The following TELO2 variants were observed in gnomAD, a reference collection of about 807,000 sequenced individuals.
The protein encoded by TELO2 is telomere length regulation protein TEL2 homolog.
A neutral mutation model predicts 91.0 loss-of-function variants in TELO2; 71 were observed. The observed-to-expected ratio is 0.78, with a 90% CI of 0.64 to 0.95. The LOEUF is 0.95. TELO2 is among the 40% of genes least tolerant of loss of function. TELO2 has a pLI of 0.00. For synonymous variants in TELO2, 584 were observed against 518.9 expected, an observed-to-expected ratio of 1.13 and a Z score of -1.71; for missense variants, 1,183 against 1,141.3, an observed-to-expected ratio of 1.04 and a Z score of -0.53.
At chr16:1,506,695 G>C in intron 17 of TELO2, 1 of 1,382,094 alleles carries the variant, frequency 7.2e-7, no homozygotes, top group Non-Finnish European at 9.4e-7. Context: ...AGAGAAGTGT[G>C]GGGCCTGGGT....
intron 10 of TELO2, 50 bp downstream of exon 10, chr16:1,501,549 C>T (rs770296392): frequency 9.5e-6 from 15 of 1,572,702 alleles, no homozygotes; most frequent in Admixed American, 3.6e-5. Context: ...TCTTACTGCT[C>T]TGGATTCCGC....
intron 5 of TELO2, among the ~76,000 whole-genome samples, chr16:1,498,059 C>G (rs1251423398): frequency 6.6e-6 from 1 of 151,640 alleles, no homozygotes; most frequent in Non-Finnish European, 1.5e-5. Context: ...CTCTGTCACC[C>G]AGGCTGGACT....
intron 9 of TELO2, 133 bp from the exon 10 acceptor site, chr16:1,501,287 C>A: frequency 1.1e-6 from 1 of 913,810 alleles, no homozygotes; most frequent in Non-Finnish European, 1.7e-6. Flanking sequence ...AGACACCTGG[C>A]TATCCAGGGC....
Position 1,493,739 on chromosome 16 carries a change from A to G in TELO2, c.-37+134A>G, listed in dbSNP as rs2039381136. On this transcript the variant is annotated intron_variant, in intron 1 of 20. Coordinates refer to ENST00000262319, the MANE Select transcript of TELO2 (RefSeq NM_016111.4). This position sits in a 1 kb window ranked among gnomAD's most constrained non-coding sequence, Gnocchi z 4.3. ...GGTACAGGTCGGGGTCCGGGCCTGGATCGGGGGCGGGTCCGCGTGCGGCTC... is the reference window on the plus strand; with the variant it reads ...GGTACAGGTCGGGGTCCGGGCCTGGGTCGGGGGCGGGTCCGCGTGCGGCTC... 3 of 158,840 alleles carry G rather than the reference A, an allele frequency of 1.9e-5. No homozygotes were observed. Among genetic ancestry groups the G allele is most frequent in the Non-Finnish European group, 2.8e-5 (2 of 71,618 alleles). The allele number at this position is 158,840 out of a possible 1,614,324, so 9.8% of individuals were successfully genotyped here.
rs555882404 is a variant in TELO2 at position 1,507,913 on chromosome 16, T to G, written c.2407+197T>G. Reference sequence around the variant, plus strand: ...GTGTGTGATGTGTGTCGGCCCGGGGTGTGTGTGTGTGTGTGGGTGTGTGTG... The same window carrying G: ...GTGTGTGATGTGTGTCGGCCCGGGGGGTGTGTGTGTGTGTGGGTGTGTGTG... On this transcript the variant is annotated intron_variant, in intron 20 of 20. Coordinates refer to ENST00000262319, the MANE Select transcript of TELO2 (RefSeq NM_016111.4). Among the ~76,000 whole-genome samples, 196 of 141,146 alleles carry G rather than the reference T, an allele frequency of 1.4e-3. 1 individual carries two copies. Among genetic ancestry groups the G allele is most frequent in the East Asian group, 3.2e-3 (15 of 4,756 alleles). The allele number at this position is 141,146 out of a possible 152,430, so 92.6% of individuals were successfully genotyped here.
In TELO2 at chr16:1,494,315, G is replaced by T; in HGVS notation, c.34G>T (p.Val12Phe). 1 of 1,613,394 alleles carries T rather than the reference G, an allele frequency of 6.2e-7. No homozygotes were observed. The highest frequency in any genetic ancestry group is 8.5e-7 in the Non-Finnish European group (1 of 1,179,922). Reference protein sequence around the residue: ...EPAPSEVRLAVREAIHALSSS... With the variant: ...EPAPSEVRLAFREAIHALSSS... Reference sequence around the variant, plus strand: ...AGCACCCTCAGAGGTTCGACTCGCCGTCCGGGAAGCCATTCATGCCCTCTC... The same window carrying T: ...AGCACCCTCAGAGGTTCGACTCGCCTTCCGGGAAGCCATTCATGCCCTCTC... Residue 12 changes from valine (V) to phenylalanine (F), a missense_variant, in exon 2 of 21, where the codon GTC becomes TTC. By Grantham distance (50) the Val-to-Phe change is conservative. Transcript: ENST00000262319. The surrounding 1 kb of genome is among the most constrained non-coding windows in gnomAD (Gnocchi z 5.6).
intron 3 of TELO2, among the ~76,000 whole-genome samples, chr16:1,496,512 C>A (rs910886471): frequency 6.6e-6 from 1 of 152,232 alleles, no homozygotes; most frequent in Non-Finnish European, 1.5e-5. Context: ...TTCACGTGTT[C>A]GGGGTTGGCT....
chr16:1,510,399 G>A lies in TELO2; in HGVS notation c.*463G>A, dbSNP rs1026955045. The A allele has an allele frequency of 4.1e-5, 9 of 217,272 alleles. No individual in the cohort carries two copies. The highest frequency in any genetic ancestry group is 2.8e-4 in the East Asian group (2 of 7,270). The allele number at this position is 217,272 out of a possible 1,614,324, so 13.5% of individuals were successfully genotyped here. ...GGGTGTGTGGCTCCTGGATGGGCTC[G>A]TGGGGCGGGATGGGACAGGGCACGG... On this transcript the variant is annotated 3_prime_UTR_variant, in exon 21 of 21. Transcript: ENST00000262319.
rs144206818 is a variant in TELO2 at position 1,507,319 on chromosome 16, T to C, written c.2240T>C (p.Met747Thr). The C allele has an allele frequency of 2.0e-5, 33 of 1,609,856 alleles. No individual in the cohort carries two copies. Among genetic ancestry groups the C allele is most frequent in the African/African-American group, 1.9e-4 (14 of 74,892 alleles). Reference sequence around the variant, plus strand: ...GCTGGTGTCCAGGTGGCTGTGGCCATGGGCAAGGCCCTGCTGGAATTCGTG... The same window carrying C: ...GCTGGTGTCCAGGTGGCTGTGGCCACGGGCAAGGCCCTGCTGGAATTCGTG... ...LAVNTTVAVA[M>T]GKALLEFVWA... Residue 747 changes from methionine to threonine, a missense_variant, in exon 19 of 21, where the codon ATG becomes ACG. Physicochemically the swap from Met to Thr is moderately conservative, Grantham distance 81. Coordinates refer to ENST00000262319, the MANE Select transcript of TELO2 (RefSeq NM_016111.4).
At position 1,500,618 on chromosome 16, in the gene TELO2, C is replaced by G; in HGVS notation, c.1200C>G (p.Pro400=). Residue 400 remains proline, a synonymous_variant, in exon 9 of 21, where the codon CCC becomes CCG. Coordinates refer to ENST00000262319, the MANE Select transcript of TELO2 (RefSeq NM_016111.4). ...GVKCRLDSSL[P]PVRRLGMIVA... ...AGTGCCGCCTGGACAGTAGCCTGCC[C>G]CCCGTGCGACGCCTGGGCATGATCG... The G allele has an allele frequency of 6.2e-7, 1 of 1,612,342 alleles. No individual in the cohort carries two copies. Among genetic ancestry groups the G allele is most frequent in the East Asian group, 2.2e-5 (1 of 44,854 alleles).
rs2039409454 is a variant in TELO2 at position 1,494,513 on chromosome 16, C to T, written c.232C>T (p.Leu78=). Residue 78 remains leucine (L), a synonymous_variant, in exon 2 of 21, where the codon CTG becomes TTG. Transcript: ENST00000262319. This position sits in a 1 kb window ranked among gnomAD's most constrained non-coding sequence, Gnocchi z 5.6. ...SRLSPAWLEL[L]PHGRLEELWA... ...GCTGAGCCCAGCCTGGCTGGAGCTGCTGCCCCATGGCCGCCTGGAGGAGCT... is the reference window on the plus strand; with the variant it reads ...GCTGAGCCCAGCCTGGCTGGAGCTGTTGCCCCATGGCCGCCTGGAGGAGCT... 2.5e-6 allele frequency: 4 copies of T among 1,613,174 alleles called. No individual in the cohort carries two copies. Among genetic ancestry groups the T allele is most frequent in the African/African-American group, 1.3e-5 (1 of 74,916 alleles).
At chr16:1,495,309 G>A (rs1343336700) in intron 2 of TELO2, 37 bp from the exon 3 acceptor site, 1 of 1,505,878 alleles carries the variant, frequency 6.6e-7, no homozygotes, top group Non-Finnish European at 8.9e-7. Context: ...CCGAGGATGG[G>A]GGTTGGCGGC....
chr16:1,506,644 G>A (rs1235982194), intron 17 of TELO2: 6 of 1,376,712 alleles, frequency 4.4e-6, no homozygotes, highest in Non-Finnish European at 1.9e-6. Flanking sequence ...AGCCGGCGCT[G>A]CACTGGCCCC....
chr16:1,494,316 T>C lies in TELO2; in HGVS notation c.35T>C (p.Val12Ala). 1 of 1,613,008 alleles carries C rather than the reference T, an allele frequency of 6.2e-7. No individual in the cohort carries two copies. Among genetic ancestry groups the C allele is most frequent in the Admixed American group, 1.7e-5 (1 of 59,958 alleles). ...GCACCCTCAGAGGTTCGACTCGCCG[T>C]CCGGGAAGCCATTCATGCCCTCTCG... is the stretch of plus-strand genomic sequence containing the variant. ...EPAPSEVRLAVREAIHALSSS... is the reference protein window; with the variant it reads ...EPAPSEVRLAAREAIHALSSS... The change falls in exon 2 of 21, where the codon GTC (valine) becomes GCC (alanine). Residue 12 changes from valine (V) to alanine (A), a missense_variant. Coordinates refer to ENST00000262319, the MANE Select transcript of TELO2 (RefSeq NM_016111.4). This position sits in a 1 kb window ranked among gnomAD's most constrained non-coding sequence, Gnocchi z 5.6.
At position 1,497,480 on chromosome 16, in the gene TELO2, C is replaced by A; in HGVS notation, c.802C>A (p.Leu268Met). ...GCCGGACCGGGCCATGGAGGCTGTG[C>A]TGACCGGGCTGGTGGAGGCCGCACT... ...QVPDRAMEAV[L>M]TGLVEAALGP... Residue 268 changes from leucine (L) to methionine (M), a missense_variant, in exon 5 of 21, where the codon CTG (leucine) becomes ATG (methionine). By Grantham distance (15) the Leu-to-Met change is conservative (BLOSUM62 2). Transcript: ENST00000262319. This position sits in a 1 kb window ranked among gnomAD's most constrained non-coding sequence, Gnocchi z 4.0. The A allele has an allele frequency of 6.4e-7, 1 of 1,573,412 alleles. No individual in the cohort carries two copies.
In TELO2 at chr16:1,499,416, C is replaced by T; in HGVS notation, c.933+83C>T. The T allele has an allele frequency of 6.7e-6, 10 of 1,484,638 alleles. No homozygotes were observed. In the Admixed American group the frequency reaches 6.8e-5, roughly 10 times the overall value. The allele number at this position is 1,484,638 out of a possible 1,614,324, so 92.0% of individuals were successfully genotyped here. On this transcript the variant is annotated intron_variant, in intron 6 of 20. Coordinates refer to ENST00000262319, the MANE Select transcript of TELO2 (RefSeq NM_016111.4). The stretch of plus-strand genomic sequence containing the variant: ...GCAAAACATGGGGTCGGAGCGGTGT[C>T]TGCTGCCTGGGAGACCCTGCCTGTG...
Position 1,507,685 on chromosome 16 carries a change from C to T in TELO2, c.2376C>T (p.Asp792=), listed in dbSNP as rs200969710. 209 of 1,604,248 alleles carry T rather than the reference C, an allele frequency of 1.3e-4. 3 individuals carry two copies. In the East Asian group the frequency reaches 3.3e-3, roughly 25 times the overall value. Residue 792 remains aspartate, a synonymous_variant, in exon 20 of 21, where the codon GAC becomes GAT. Coordinates refer to ENST00000262319, the MANE Select transcript of TELO2 (RefSeq NM_016111.4). The part of the protein sequence containing the change: ...PAARLLEDLM[D]ELLEARSWLA... ...CGCGCCTGCTGGAGGACCTGATGGA[C>T]GAGCTGCTGGAAGCCCGGTCCTGGC...
Position 1,509,820 on chromosome 16 carries a change from C to G in TELO2, c.2408-10C>G, listed in dbSNP as rs534487468. ...CTGCCTCAGCTTTGCTTGTCACTCT[C>G]GTCTGGCAGACGTGGCTGAGAAAGA... On this transcript the variant is annotated splice_polypyrimidine_tract_variant and intron_variant, in intron 20 of 20. Transcript: ENST00000262319. 1.2e-6 allele frequency: 2 copies of G among 1,607,918 alleles called. No individual in the cohort carries two copies. The highest frequency in any genetic ancestry group is 3.3e-5 in the Admixed American group (2 of 59,704).
At chr16:1,495,882 C>T (rs754565882) in intron 3 of TELO2, among the ~76,000 whole-genome samples, 2 of 152,168 alleles carry the variant, frequency 1.3e-5, no homozygotes, top group African/African-American at 4.8e-5. Flanking sequence ...GCTGTGGTGG[C>T]CAGGTGGGGG....
Sources: allele counts gnomAD v4.1 joint callset (sites outside exome capture counted in the v4.1 genomes callset), GRCh38; gene constraint gnomAD v4.1.1; non-coding constraint Gnocchi (gnomAD v3.1); transcripts MANE v1.5; gene names NCBI Gene and HGNC (gene_info 2026-07-23, HGNC 2026-07-21).